The following FER variants were observed in gnomAD, a reference collection of about 807,000 sequenced individuals.
The protein encoded by FER is tyrosine-protein kinase Fer.
FER carries 63 observed loss-of-function variants against 111.0 expected under a neutral mutation model. That is an observed-to-expected ratio of 0.57 (90% CI 0.46 to 0.70). The LOEUF (loss-of-function observed/expected upper bound fraction) is 0.70. Among genes scored for constraint, FER ranks in the 30% least tolerant of loss-of-function variants. The pLI is 0.00. For synonymous variants in FER, 327 were observed against 313.9 expected (o/e 1.04, Z -0.44); for missense variants, 914 against 954.0 (o/e 0.96, Z 0.55).
rs1187545078 is a variant in FER, at chr5:108,867,890, T to G, written c.605T>G (p.Ile202Ser). ...CTCCATCAGAATCAGTATTATGATA[T>G]CACACTTCCCCTGCTTCTGGACTCC... ...AQLHQNQYYD[I>S]TLPLLLDSLQ... Residue 202 changes from isoleucine (I) to serine (S), a missense_variant, in exon 6 of 20, where the codon ATC (isoleucine) becomes AGC (serine). Transcript: ENST00000281092. 1.2e-6 allele frequency: 2 copies of G among 1,613,290 alleles called. No individual in the cohort carries two copies. The highest frequency in any genetic ancestry group is 1.1e-5 in the South Asian group (1 of 91,036).
At chr5:108,803,029 T>A (rs897972742) in intron 3 of FER, among the ~76,000 whole-genome samples, 3 of 152,210 alleles carry the variant, frequency 2.0e-5, no homozygotes, top group Non-Finnish European at 4.4e-5. Context: ...GTTTTAATTA[T>A]AGCCATTCTT....
At chr5:109,058,779 C>T (rs1339440114) in intron 16 of FER, among the ~76,000 whole-genome samples, 27 of 136,688 alleles carry the variant, frequency 2.0e-4, no homozygotes, top group Admixed American at 2.3e-4. Context: ...GTCTCCCAGC[C>T]GGGAGTGCAA....
intron 16 of FER, among the ~76,000 whole-genome samples, chr5:109,091,615 G>C (rs1235321404): frequency 6.6e-6 from 1 of 152,206 alleles, no homozygotes; most frequent in East Asian, 1.9e-4. Context: ...AAGCCAGCTT[G>C]AGAGAGCTGC....
rs543640444 is a variant in FER, at chr5:109,047,015, A to G, written c.1830-89A>G. The G allele has an allele frequency of 1.3e-5, 8 of 627,430 alleles. No homozygotes were observed. In the South Asian group the frequency reaches 1.8e-4, roughly 14 times the overall value. 38.9% of individuals were successfully genotyped at this position (627,430 alleles called of 1,614,324 possible). ...TTTAAAAATTGAATTATGATTCAAG[A>G]GTATTCTAGTTGTAAACCCTATTTG... On this transcript the variant is annotated intron_variant, in intron 15 of 19. Coordinates refer to ENST00000281092, the MANE Select transcript of FER (RefSeq NM_005246.4).
At chr5:108,997,637 C>T (rs1281784409) in intron 13 of FER, among the ~76,000 whole-genome samples, 3 of 152,038 alleles carry the variant, frequency 2.0e-5, no homozygotes, top group Non-Finnish European at 4.4e-5. Context: ...GCAGTCTTAC[C>T]CTTAGCAGAG....
intron 13 of FER, among the ~76,000 whole-genome samples, chr5:108,970,631 T>C (rs114249038): frequency 0.01 from 1,523 of 152,240 alleles, 21 homozygotes; most frequent in African/African-American, 0.035. Context: ...ATTTCTAAAG[T>C]CGCAGTATGT....
chr5:108,904,616 T>G (rs891096213), intron 10 of FER, among the ~76,000 whole-genome samples: 2 of 152,214 alleles, frequency 1.3e-5, no homozygotes, highest in East Asian at 1.9e-4. Flanking sequence ...AGTGAGGGAG[T>G]GACATTTTTA....
chr5:108,752,780 A>G (rs1391205842), intron 1 of FER, among the ~76,000 whole-genome samples: 1 of 152,050 alleles, frequency 6.6e-6, no homozygotes, highest in South Asian at 2.1e-4. Context: ...AATGTCATGC[A>G]TGTTTGGAAT....
chr5:109,114,882 T>C (rs1484882175), intron 17 of FER, among the ~76,000 whole-genome samples: 1 of 152,026 alleles, frequency 6.6e-6, no homozygotes, highest in Admixed American at 6.6e-5. Context: ...TTGTTTGTAT[T>C]ATATCCTGTT....
intron 8 of FER, among the ~76,000 whole-genome samples, chr5:108,873,207 C>T (rs1416476239): frequency 6.6e-6 from 1 of 151,888 alleles, no homozygotes; most frequent in African/African-American, 2.4e-5. Flanking sequence ...TGCAGTGGTG[C>T]GATCTCGGCT....
intron 2 of FER, among the ~76,000 whole-genome samples, chr5:108,791,710 A>G (rs6888173): frequency 0.24 from 35,726 of 151,730 alleles, 4,453 homozygotes; most frequent in African/African-American, 0.31. Context: ...ATGTGTTTTT[A>G]TTTTGTCATT....
chr5:109,064,270 T>C (rs1166806025), intron 16 of FER, among the ~76,000 whole-genome samples: 1 of 152,180 alleles, frequency 6.6e-6, no homozygotes, highest in Non-Finnish European at 1.5e-5. Flanking sequence ...ATGTGTGGTA[T>C]TGACCTTTTT....
chr5:109,054,526 T>C (rs1773376809), intron 16 of FER, among the ~76,000 whole-genome samples: 1 of 152,228 alleles, frequency 6.6e-6, no homozygotes, highest in Non-Finnish European at 1.5e-5. Context: ...TACAAATCCT[T>C]TTTCTCTCAG....
chr5:108,772,593 C>G (rs565167586), intron 2 of FER, among the ~76,000 whole-genome samples: 1 of 152,162 alleles, frequency 6.6e-6, no homozygotes, highest in South Asian at 2.1e-4. Flanking sequence ...CCTGAGATAG[C>G]TGGAGATAAC....
chr5:108,803,238 G>A (rs1036284306), intron 3 of FER, among the ~76,000 whole-genome samples: 2 of 151,686 alleles, frequency 1.3e-5, no homozygotes, highest in Non-Finnish European at 2.9e-5. Context: ...TTAGTCCTTT[G>A]TTGGATGCAT....
At chr5:108,836,062 T>C (rs1269673518) in intron 5 of FER, 2 of 185,784 alleles carry the variant, frequency 1.1e-5, no homozygotes, top group Admixed American at 6.2e-5. Flanking sequence ...ATTGAAGGGA[T>C]GTTTAAAATT....
Position 109,037,547 on chromosome 5 carries a change from T to C in FER, c.1713+69T>C, listed in dbSNP as rs1188231327. 3 of 1,325,226 alleles carry C rather than the reference T, an allele frequency of 2.3e-6. No individual in the cohort carries two copies. In the East Asian group the frequency reaches 7.0e-5, roughly 31 times the overall value. 82.1% of individuals were successfully genotyped at this position (1,325,226 alleles called of 1,614,324 possible). A position where few individuals can be genotyped will look rare whatever the true frequency, so the allele number is the denominator to read the frequency against. ...ATTGTGAAGACTGCAGATTTTTTCA[T>C]TTTCCTCAAAGCTTTTCTTATATTG... On this transcript the variant is annotated intron_variant, in intron 14 of 19. Coordinates refer to ENST00000281092, the MANE Select transcript of FER (RefSeq NM_005246.4).
At chr5:109,095,392 A>G (rs1384085526) in intron 16 of FER, among the ~76,000 whole-genome samples, 1 of 151,956 alleles carries the variant, frequency 6.6e-6, no homozygotes, top group Non-Finnish European at 1.5e-5. Flanking sequence ...TTCAGACCTA[A>G]TGTTTCAGTT....
intron 17 of FER, among the ~76,000 whole-genome samples, chr5:109,150,506 CCT>C (rs1754717838): frequency 6.6e-6 from 1 of 152,144 alleles, no homozygotes; most frequent in Admixed American, 6.5e-5. Context: ...TACATAGCTA[CCT>C]CTCTCCCTCA....
Sources: gnomAD v4.1 joint callset for allele counts (sites outside exome capture counted in the v4.1 genomes callset) on GRCh38, gnomAD v4.1.1 for gene constraint, MANE v1.5 for transcripts, NCBI Gene and HGNC (gene_info 2026-07-23, HGNC 2026-07-21) for gene names.